The following ARHGEF3 variants were observed in gnomAD, a reference collection of about 807,000 sequenced individuals.
ARHGEF3 encodes 59.8 kDA protein.
Under a neutral mutation model 63.2 loss-of-function variants are expected in ARHGEF3, and 28 were observed. That is an observed-to-expected ratio of 0.44 (90% CI 0.33 to 0.61). ARHGEF3 has a LOEUF of 0.61. Among genes scored for constraint, ARHGEF3 ranks in the 20% least tolerant of loss-of-function variants. The pLI is 0.03. For synonymous variants in ARHGEF3, 266 were observed against 254.2 expected, an observed-to-expected ratio of 1.05 and a Z score of -0.44; for missense variants, 533 against 659.3, an observed-to-expected ratio of 0.81 and a Z score of 2.10.
In ARHGEF3 at chr3:56,791,459, A is replaced by G. The variant is rs181592071; in HGVS notation, c.96+10244T>C. Among the ~76,000 whole-genome samples the G allele has an allele frequency of 5.3e-4, 81 of 152,190 alleles. 1 individual carries two copies. The East Asian group carries it at 0.014, about 27-fold the overall frequency. On this transcript the variant is annotated intron_variant, in intron 1 of 9. Coordinates refer to ENST00000296315, the MANE Select transcript of ARHGEF3 (RefSeq NM_019555.3). ...CCCTATTTCTAACACAAACCAACAA[A>G]CGAAATACATCACCTATGTATACAG...
Position 56,773,785 on chromosome 3 carries a change from G to C in ARHGEF3, c.128C>G (p.Ser43Cys), listed in dbSNP as rs2036136018. The C allele has an allele frequency of 1.9e-6, 3 of 1,603,346 alleles. No homozygotes were observed. Among genetic ancestry groups the C allele is most frequent in the Non-Finnish European group, 2.5e-6 (3 of 1,176,596 alleles). Reference sequence around the variant, plus strand: ...GAGGTTTGCTAGCGACGTGACTCGGGAAAGGGGTTTGACCCGTTTATTACT... The same window carrying C: ...GAGGTTTGCTAGCGACGTGACTCGGCAAAGGGGTTTGACCCGTTTATTACT... The part of the protein sequence containing the change: ...EPSNKRVKPL[S>C]RVTSLANLIP... The change falls in exon 2 of 10, where the codon TCC (serine) becomes TGC (cysteine). Residue 43 changes from serine (S) to cysteine (C), a missense_variant. Coordinates refer to ENST00000296315, the MANE Select transcript of ARHGEF3 (RefSeq NM_019555.3).
intron 3 of ARHGEF3, among the ~76,000 whole-genome samples, chr3:56,944,727 C>T (rs796284557): frequency 1.8e-4 from 27 of 151,892 alleles, no homozygotes; most frequent in East Asian, 3.9e-4. Context: ...CAGGCACCTG[C>T]GCAACCATGT....
intron 3 of ARHGEF3, among the ~76,000 whole-genome samples, chr3:56,883,122 T>G (rs930305419): frequency 6.6e-6 from 1 of 152,204 alleles, no homozygotes; most frequent in Non-Finnish European, 1.5e-5. Flanking sequence ...AGGGTCCTAA[T>G]GTAATCACAG....
intron 2 of ARHGEF3, among the ~76,000 whole-genome samples, chr3:57,010,187 G>A (rs1702628300): frequency 6.6e-6 from 1 of 152,162 alleles, no homozygotes; most frequent in Non-Finnish European, 1.5e-5. Flanking sequence ...GGGCGTGGTG[G>A]CTCACGCCTG....
At chr3:56,785,740 T>G (rs2036771554) in intron 1 of ARHGEF3, among the ~76,000 whole-genome samples, 1 of 152,198 alleles carries the variant, frequency 6.6e-6, no homozygotes, top group Admixed American at 6.5e-5. Context: ...TCCAGCTGAA[T>G]CTGGGATGAT....
rs539831922 is a variant in ARHGEF3 at position 57,061,700 on chromosome 3, G to A, written c.-28+17526C>T. Among the ~76,000 whole-genome samples, 3 of 152,242 alleles carry A rather than the reference G, an allele frequency of 2.0e-5. No individual in the cohort carries two copies. In the East Asian group the frequency reaches 5.8e-4, roughly 29 times the overall value. ...TATGATACCTCTATGTTTAACTCCT[G>A]TTACACTTTTAGGATTCTGGCAGCC... is the stretch of plus-strand genomic sequence containing the variant. On this transcript the variant is annotated intron_variant, in intron 1 of 12. Transcript: ENST00000338458.
At chr3:56,886,970 A>C (rs1251951059) in intron 3 of ARHGEF3, among the ~76,000 whole-genome samples, 1 of 152,212 alleles carries the variant, frequency 6.6e-6, no homozygotes, top group East Asian at 1.9e-4. Context: ...CAGAAGGTCT[A>C]GGAAGGTGTT....
chr3:56,773,661 C>T (rs775980451), intron 2 of ARHGEF3, 48 bp downstream of exon 2: 60 of 1,472,884 alleles, frequency 4.1e-5, no homozygotes, highest in Admixed American at 1.7e-4. Context: ...TGTTCCTTCC[C>T]GTACACCATG....
chr3:56,871,389 A>C (rs1185359861), intron 4 of ARHGEF3, among the ~76,000 whole-genome samples: 1 of 152,150 alleles, frequency 6.6e-6, no homozygotes, highest in Non-Finnish European at 1.5e-5. Context: ...GAGGTGGCTC[A>C]AGTTATCTGT....
intron 3 of ARHGEF3, among the ~76,000 whole-genome samples, chr3:56,891,835 C>T (rs2041131887): frequency 6.6e-6 from 1 of 152,120 alleles, no homozygotes; most frequent in African/African-American, 2.4e-5. Flanking sequence ...TAAGTACAGG[C>T]ACCGGGGGGA....
At chr3:56,999,708 G>T (rs2107010903) in intron 2 of ARHGEF3, among the ~76,000 whole-genome samples, 1 of 152,224 alleles carries the variant, frequency 6.6e-6, no homozygotes, top group South Asian at 2.1e-4. Flanking sequence ...GAAGCAGCAG[G>T]ATTGCTTGAG....
At chr3:56,872,621 T>C (rs947274317) in intron 4 of ARHGEF3, among the ~76,000 whole-genome samples, 2 of 151,710 alleles carry the variant, frequency 1.3e-5, no homozygotes, top group African/African-American at 2.4e-5. Flanking sequence ...GCGACTCTCC[T>C]GCCTCAGCCT....
At chr3:56,907,855 G>A (rs774987644) in intron 3 of ARHGEF3, among the ~76,000 whole-genome samples, 5 of 152,156 alleles carry the variant, frequency 3.3e-5, no homozygotes, top group African/African-American at 9.7e-5. Context: ...AACACACACT[G>A]GGGCCTATCA....
chr3:57,054,253 G>C (rs1165338717), intron 1 of ARHGEF3, among the ~76,000 whole-genome samples: 1 of 152,094 alleles, frequency 6.6e-6, no homozygotes, highest in African/African-American at 2.4e-5. Context: ...GACTCCTGAG[G>C]TTAAGCATCT....
intron 3 of ARHGEF3, chr3:56,916,413 C>A: frequency 1.3e-6 from 2 of 1,508,126 alleles, no homozygotes; most frequent in South Asian, 2.5e-5. Context: ...ACAGGATTCT[C>A]TGAACAGGGC....
intron 3 of ARHGEF3, chr3:56,940,096 G>A (rs61746474): frequency 0.097 from 14,758 of 152,098 alleles, 989 homozygotes; most frequent in Non-Finnish European, 0.14. Flanking sequence ...CTGAGAAATG[G>A]AAAAAGTCAG....
At chr3:57,049,028 T>G (rs1187560402) in intron 1 of ARHGEF3, among the ~76,000 whole-genome samples, 3 of 152,132 alleles carry the variant, frequency 2.0e-5, no homozygotes, top group Non-Finnish European at 4.4e-5. Flanking sequence ...GCTCAGACCT[T>G]CTGAAACAGA....
chr3:56,877,194 C>T (rs557738971), intron 4 of ARHGEF3, among the ~76,000 whole-genome samples: 2 of 151,890 alleles, frequency 1.3e-5, no homozygotes, highest in African/African-American at 2.4e-5. Context: ...GTTATAATAG[C>T]GAAAAGTTGG....
chr3:57,001,416 G>A (rs1391690523), intron 2 of ARHGEF3, among the ~76,000 whole-genome samples: 1 of 152,152 alleles, frequency 6.6e-6, no homozygotes, highest in African/African-American at 2.4e-5. Flanking sequence ...TACAAACAAC[G>A]CTTCAATAAG....
Sources: gnomAD v4.1 joint callset for allele counts (sites outside exome capture counted in the v4.1 genomes callset) on GRCh38, gnomAD v4.1.1 for gene constraint, MANE v1.5 for transcripts, NCBI Gene and HGNC (gene_info 2026-07-23, HGNC 2026-07-21) for gene names.